The following CCDC73 variants were observed in gnomAD, a reference collection of about 807,000 sequenced individuals.
CCDC73 encodes the protein coiled-coil domain containing 73, also known as coiled-coil domain-containing protein 73.
CCDC73 carries 95 observed loss-of-function variants against 116.5 expected under a neutral mutation model. The ratio of observed to expected loss-of-function variants is 0.82; its 90% CI spans 0.69 to 0.97. The LOEUF is 0.97. CCDC73 is among the 50% of genes least tolerant of loss of function. CCDC73 has a pLI of 0.00. For missense variants in CCDC73, 1,066 were observed against 1,206.8 expected, an observed-to-expected ratio of 0.88 and a Z score of 1.73; for synonymous variants, 398 against 401.3, an observed-to-expected ratio of 0.99 and a Z score of 0.10.
At chr11:32,813,175 G>A in the CCDC73 span, among the ~76,000 whole-genome samples, 1 of 151,848 alleles carries the variant, frequency 6.6e-6, no homozygotes, top group African/African-American at 2.4e-5. Context: ...TTTTCAGTTT[G>A]TCCTTTGCTG....
chr11:32,660,421 A>G (rs999534581), intron 9 of CCDC73, among the ~76,000 whole-genome samples: 4 of 151,970 alleles, frequency 2.6e-5, no homozygotes, highest in African/African-American at 9.7e-5. Flanking sequence ...ATTTGCTTCA[A>G]TATTGAGCTT....
chr11:32,807,655 A>G, the CCDC73 span, among the ~76,000 whole-genome samples: 1 of 151,966 alleles, frequency 6.6e-6, no homozygotes, highest in Non-Finnish European at 1.5e-5. Context: ...GTATGGTCCA[A>G]GATAATTCTT....
At chr11:32,802,224 T>C in the CCDC73 span, among the ~76,000 whole-genome samples, 2 of 152,234 alleles carry the variant, frequency 1.3e-5, no homozygotes, top group Non-Finnish European at 2.9e-5. Flanking sequence ...TCTCTTTTTT[T>C]CTGGTATTAT....
At chr11:32,765,002 C>G (rs549777917) in intron 1 of CCDC73, among the ~76,000 whole-genome samples, 13 of 152,208 alleles carry the variant, frequency 8.5e-5, no homozygotes, top group African/African-American at 2.9e-4. Context: ...CAACAAAGAT[C>G]AGAAGAGACA....
At chr11:32,659,481 G>T (rs898463192) in intron 9 of CCDC73, among the ~76,000 whole-genome samples, 1 of 152,162 alleles carries the variant, frequency 6.6e-6, no homozygotes, top group Non-Finnish European at 1.5e-5. Flanking sequence ...TCCTTACAGA[G>T]TTTTGGAAGA....
chr11:32,654,267 G>A (rs1005098497), intron 10 of CCDC73, among the ~76,000 whole-genome samples: 1 of 152,120 alleles, frequency 6.6e-6, no homozygotes, highest in Non-Finnish European at 1.5e-5. Context: ...TCCACCTCTT[G>A]GGTTCAAGCG....
At chr11:32,830,128 G>A in the CCDC73 span, 2 of 999,264 alleles carry the variant, frequency 2.0e-6, no homozygotes, top group Non-Finnish European at 2.4e-6. Flanking sequence ...GCCCCAAGAA[G>A]AGCCTCTGGC....
chr11:32,623,435 T>C (rs755196315), intron 14 of CCDC73, among the ~76,000 whole-genome samples: 2 of 152,136 alleles, frequency 1.3e-5, no homozygotes, highest in Non-Finnish European at 2.9e-5. Context: ...TGGCTCATGG[T>C]AGTCTCAGCT....
chr11:32,786,549 CAATAT>C (rs1211509814), intron 1 of CCDC73, among the ~76,000 whole-genome samples: 2 of 146,388 alleles, frequency 1.4e-5, no homozygotes, highest in East Asian at 2.0e-4. Flanking sequence ...AAAATAAGGC[CAATAT>C]AATATTATAA....
intron 14 of CCDC73, among the ~76,000 whole-genome samples, chr11:32,632,452 C>A (rs2133239551): frequency 6.6e-6 from 1 of 152,302 alleles, no homozygotes; most frequent in Non-Finnish European, 1.5e-5. Flanking sequence ...TCTTGAACTC[C>A]TGAGCTCAGG....
At chr11:32,724,039 ATTTTATCAG>A (rs1244877406) in intron 2 of CCDC73, among the ~76,000 whole-genome samples, 2 of 152,136 alleles carry the variant, frequency 1.3e-5, no homozygotes, top group African/African-American at 4.8e-5. Flanking sequence ...GCTAACACCC[ATTTTATCAG>A]TTTTCCATGG....
At chr11:32,810,527 T>G in the CCDC73 span, among the ~76,000 whole-genome samples, 1 of 152,242 alleles carries the variant, frequency 6.6e-6, no homozygotes, top group Admixed American at 6.5e-5. Flanking sequence ...GTGCTCTTTC[T>G]AATTCAGCAC....
At chr11:32,782,312 G>C (rs1443338418) in intron 1 of CCDC73, among the ~76,000 whole-genome samples, 2 of 152,166 alleles carry the variant, frequency 1.3e-5, no homozygotes, top group South Asian at 4.1e-4. Flanking sequence ...CCCAGCCCCA[G>C]TCTGTGGAAA....
At position 32,728,571 on chromosome 11, in the gene CCDC73, G is replaced by C. The variant is rs573016992; in HGVS notation, c.136-10424C>G. Among the ~76,000 whole-genome samples the C allele has an allele frequency of 5.3e-5, 8 of 152,078 alleles. No homozygotes were observed. The South Asian group carries it at 1.7e-3, about 32-fold the overall frequency. On this transcript the variant is annotated intron_variant, in intron 2 of 17. Coordinates refer to ENST00000335185, the MANE Select transcript of CCDC73 (RefSeq NM_001008391.4). ...CAAGATCTGGGTGTCAGTTCTTCTA[G>C]GCCCTCTCGGGAGACAAAGCTAGAA...
At chr11:32,799,796 T>C in the CCDC73 span, among the ~76,000 whole-genome samples, 3 of 152,174 alleles carry the variant, frequency 2.0e-5, no homozygotes, top group Admixed American at 2.0e-4. Flanking sequence ...GAATAACTTA[T>C]ATGCACGAAG....
chr11:32,713,960 A>C (rs1849922819), intron 3 of CCDC73, among the ~76,000 whole-genome samples: 1 of 152,022 alleles, frequency 6.6e-6, no homozygotes, highest in South Asian at 2.1e-4. Flanking sequence ...TATGTTCATC[A>C]TTGCTTCCAT....
At chr11:32,824,328 ATGAT>A in the CCDC73 span, among the ~76,000 whole-genome samples, 1 of 152,212 alleles carries the variant, frequency 6.6e-6, no homozygotes, top group East Asian at 1.9e-4. Context: ...TTATTTGTAT[ATGAT>A]TGATTGCCTT....
At chr11:32,676,466 G>A (rs1319783965) in intron 7 of CCDC73, among the ~76,000 whole-genome samples, 1 of 152,090 alleles carries the variant, frequency 6.6e-6, no homozygotes, top group Non-Finnish European at 1.5e-5. Context: ...TAATTTCAAT[G>A]TACACTACCA....
chr11:32,611,334 G>A, intron 16 of CCDC73, 69 bp from the exon 17 acceptor site: 5 of 1,328,604 alleles, frequency 3.8e-6, no homozygotes, highest in Non-Finnish European at 5.3e-6. Flanking sequence ...GACTGAACTT[G>A]TTTCTGATCC....
Sources: allele counts gnomAD v4.1 joint callset (sites outside exome capture counted in the v4.1 genomes callset), GRCh38; gene constraint gnomAD v4.1.1; transcripts MANE v1.5; gene names NCBI Gene and HGNC (gene_info 2026-07-23, HGNC 2026-07-21).